The following FBXO32 variants were observed in gnomAD, a reference collection of about 807,000 sequenced individuals.
FBXO32 encodes F-box only protein 32.
A neutral mutation model predicts 48.3 loss-of-function variants in FBXO32; 15 were observed. The observed-to-expected ratio is 0.31, with a 90% CI of 0.21 to 0.48. The LOEUF is 0.48. Among genes scored for constraint, FBXO32 ranks in the 20% least tolerant of loss-of-function variants. FBXO32 has a pLI of 0.99. For synonymous variants in FBXO32, 154 were observed against 165.9 expected, an observed-to-expected ratio of 0.93 and a Z score of 0.55; for missense variants, 309 against 432.7, an observed-to-expected ratio of 0.71 and a Z score of 2.54.
intron 4 of FBXO32, among the ~76,000 whole-genome samples, chr8:123,526,543 A>G (rs140069178): frequency 6.6e-6 from 1 of 152,230 alleles, no homozygotes; most frequent in East Asian, 1.9e-4. Flanking sequence ...CCTATATTCT[A>G]AAGCACACTG....
At position 123,513,890 on chromosome 8, in the gene FBXO32, G is replaced by A. The variant is rs1816784884; in HGVS notation, c.466+350C>T. On this transcript the variant is annotated intron_variant, in intron 5 of 8. Transcript: ENST00000517956. The surrounding 1 kb of genome is among the most constrained non-coding windows in gnomAD (Gnocchi z 4.3). ...GTTCCTTCTAGCTCGAATAGTCTAC[G>A]AATCTATTCTGACTTTGTACACATG... Among the ~76,000 whole-genome samples the A allele has an allele frequency of 1.3e-5, 2 of 152,140 alleles. No homozygotes were observed. Among genetic ancestry groups the A allele is most frequent in the South Asian group, 4.2e-4 (2 of 4,814 alleles).
chr8:123,517,297 A>G (rs545144456), intron 4 of FBXO32, among the ~76,000 whole-genome samples: 54 of 152,334 alleles, frequency 3.5e-4, no homozygotes, highest in African/African-American at 1.2e-3. Flanking sequence ...CACCAATCAC[A>G]AGGACAAGTA....
intron 4 of FBXO32, among the ~76,000 whole-genome samples, 189 bp downstream of exon 4, chr8:123,531,709 T>C (rs1462510810): frequency 2.0e-5 from 3 of 152,154 alleles, no homozygotes; most frequent in Non-Finnish European, 4.4e-5. Context: ...AGGGACATCC[T>C]AGTAGGACTC....
intron 4 of FBXO32, among the ~76,000 whole-genome samples, chr8:123,515,229 A>G (rs1360754503): frequency 1.3e-5 from 2 of 152,020 alleles, no homozygotes; most frequent in Non-Finnish European, 2.9e-5. Flanking sequence ...GTGCTAAATA[A>G]AGGGTTTTCT....
At chr8:123,521,877 C>T (rs542592204) in intron 4 of FBXO32, among the ~76,000 whole-genome samples, 1 of 152,216 alleles carries the variant, frequency 6.6e-6, no homozygotes, top group East Asian at 1.9e-4. Flanking sequence ...CTATAATAAA[C>T]CTTTAGTTAG....
At chr8:123,512,261 G>T (rs1435696220) in intron 6 of FBXO32, among the ~76,000 whole-genome samples, 1 of 152,092 alleles carries the variant, frequency 6.6e-6, no homozygotes, top group East Asian at 1.9e-4. Flanking sequence ...AAAAAGTGCA[G>T]GTACAGAGAC....
At chr8:123,537,369 T>C (rs1247080161) in intron 1 of FBXO32, among the ~76,000 whole-genome samples, 4 of 151,880 alleles carry the variant, frequency 2.6e-5, no homozygotes, top group East Asian at 1.9e-4. Flanking sequence ...AGGCCTAGAA[T>C]AAGAAAAAGA....
At chr8:123,533,117 C>A in intron 3 of FBXO32, 74 bp downstream of exon 3, 1 of 1,144,098 alleles carries the variant, frequency 8.7e-7, no homozygotes, top group Non-Finnish European at 1.3e-6. Context: ...ATTTCCCTCC[C>A]TACCATATCC....
intron 3 of FBXO32, chr8:123,532,249 C>A: frequency 8.7e-7 from 1 of 1,155,240 alleles, no homozygotes; most frequent in Non-Finnish European, 1.1e-6. Context: ...CATTTGGGAC[C>A]TTGCTTATAA....
At chr8:123,520,602 G>C (rs1157951707) in intron 4 of FBXO32, among the ~76,000 whole-genome samples, 4 of 152,174 alleles carry the variant, frequency 2.6e-5, no homozygotes, top group Admixed American at 6.5e-5. Context: ...ATCAACCAAA[G>C]TTTGAAGTGG....
chr8:123,516,827 T>C (rs1232378461), intron 4 of FBXO32, among the ~76,000 whole-genome samples: 1 of 151,888 alleles, frequency 6.6e-6, no homozygotes, highest in East Asian at 1.9e-4. Context: ...GGTGATCTAG[T>C]TGGAAGTCAG....
At chr8:123,532,158 G>T in intron 3 of FBXO32, 168 bp from the exon 4 acceptor site, 1 of 1,394,308 alleles carries the variant, frequency 7.2e-7, no homozygotes. Context: ...GCCCTTGAGA[G>T]CCACCAAGAT....
intron 1 of FBXO32, among the ~76,000 whole-genome samples, chr8:123,538,133 C>T (rs1399890810): frequency 2.6e-5 from 4 of 151,994 alleles, no homozygotes; most frequent in African/African-American, 7.3e-5. Context: ...TATCTTAAAT[C>T]CTCCCATGAT....
At chr8:123,526,299 C>T (rs1292835838) in intron 4 of FBXO32, among the ~76,000 whole-genome samples, 1 of 151,938 alleles carries the variant, frequency 6.6e-6, no homozygotes, top group Non-Finnish European at 1.5e-5. Context: ...GATCTTGGCT[C>T]ACTGCAACCT....
intron 5 of FBXO32, 96 bp downstream of exon 5, chr8:123,514,144 T>C (rs1489375881): frequency 5.0e-6 from 4 of 802,710 alleles, no homozygotes; most frequent in African/African-American, 1.8e-5. Context: ...TCCATTCACA[T>C]GTCTTTAAGT....
In FBXO32 at chr8:123,513,246, C is replaced by T. The variant is rs528657541; in HGVS notation, c.603G>A (p.Glu201=). 8.7e-6 allele frequency: 14 copies of T among 1,614,194 alleles called. No homozygotes were observed. The East Asian group carries it at 2.7e-4, about 31-fold the overall frequency. The stretch of plus-strand genomic sequence containing the variant: ...GCTGCTGCTGCCAGTGGAGAATCGT[C>T]TCCATCCGATACACCCACATGTTAA... ...GNINMWVYRM[E]TILHWQQQLN... The change falls in exon 6 of 9, where the codon GAG becomes GAA. Residue 201 remains glutamate (E), a synonymous_variant. Coordinates refer to ENST00000517956, the MANE Select transcript of FBXO32 (RefSeq NM_058229.4). The surrounding 1 kb of genome is among the most constrained non-coding windows in gnomAD (Gnocchi z 4.3).
rs910400903 is a variant in FBXO32 at position 123,540,357 on chromosome 8, T to C, written c.116+542A>G. Reference sequence around the variant, plus strand: ...CAGGGACCATCTGGCCGTCCCTTCCTGGTTACTCATCCTCCCGGCCACTTC... The same window carrying C: ...CAGGGACCATCTGGCCGTCCCTTCCCGGTTACTCATCCTCCCGGCCACTTC... On this transcript the variant is annotated intron_variant, in intron 1 of 8. Transcript: ENST00000517956. The surrounding 1 kb of genome is among the most constrained non-coding windows in gnomAD (Gnocchi z 6.4). Among the ~76,000 whole-genome samples, 15 of 152,218 alleles carry C rather than the reference T, an allele frequency of 9.9e-5. No individual in the cohort carries two copies. The highest frequency in any genetic ancestry group is 3.1e-4 in the African/African-American group (13 of 41,470).
rs941462308 is a variant in FBXO32 at position 123,500,074 on chromosome 8, A to G, written c.*3299T>C. 1 of 152,118 alleles carries G rather than the reference A, an allele frequency of 6.6e-6. No individual in the cohort carries two copies. The highest frequency in any genetic ancestry group is 1.5e-5 in the Non-Finnish European group (1 of 68,006). 9.4% of individuals were successfully genotyped at this position (152,118 alleles called of 1,614,324 possible). On this transcript the variant is annotated 3_prime_UTR_variant, in exon 9 of 9. Coordinates refer to ENST00000517956, the MANE Select transcript of FBXO32 (RefSeq NM_058229.4). ...TTTCTGCCATTTGCCCTCCCATTCA[A>G]CTGATTTGTCTGCTCAAAGTAACAG...
chr8:123,505,363 C>T (rs1816593468), intron 7 of FBXO32, among the ~76,000 whole-genome samples: 1 of 152,172 alleles, frequency 6.6e-6, no homozygotes, highest in Admixed American at 6.5e-5. Context: ...GGCTTTAGTC[C>T]CTTCATCTGT....
Sources: gnomAD v4.1 joint callset for allele counts (sites outside exome capture counted in the v4.1 genomes callset) on GRCh38, gnomAD v4.1.1 for gene constraint, Gnocchi (gnomAD v3.1) non-coding constraint, MANE v1.5 for transcripts, NCBI Gene and HGNC (gene_info 2026-07-23, HGNC 2026-07-21) for gene names.